SPATA18: variants seen among roughly 807,000 people sequenced by gnomAD.
SPATA18 encodes mitochondria-eating protein.
In SPATA18, 54 loss-of-function variants were observed where a neutral mutation model predicts 68.1. The observed-to-expected ratio is 0.79, with a 90% confidence interval of 0.64 to 0.99. SPATA18 has a LOEUF of 0.99. Among genes scored for constraint, SPATA18 ranks in the 50% least tolerant of loss-of-function variants. The pLI, the probability that SPATA18 is intolerant of heterozygous loss-of-function variation, is 0.00. For synonymous variants in SPATA18, 242 were observed against 244.8 expected (o/e 0.99, Z 0.11); for missense variants, 724 against 681.1 (o/e 1.06, Z -0.70).
At position 52,073,148 on chromosome 4, in the gene SPATA18, A is replaced by G. The variant is rs754104444; in HGVS notation, c.758+992A>G. ...ATTCTGTCAGTGTTGTGTTTGTGCC[A>G]ACTTGTATTGGCTTCCAATAACCTA... On this transcript the variant is annotated intron_variant, in intron 6 of 12. Coordinates refer to ENST00000295213, the MANE Select transcript of SPATA18 (RefSeq NM_145263.4). Among the ~76,000 whole-genome samples the G allele has an allele frequency of 3.3e-5, 5 of 152,074 alleles. No individual in the cohort carries two copies. The East Asian group carries it at 9.6e-4, about 29-fold the overall frequency.
intron 7 of SPATA18, chr4:52,078,511 T>C (rs1740610523): frequency 2.6e-6 from 1 of 386,798 alleles, no homozygotes; most frequent in Non-Finnish European, 4.6e-6. Context: ...TCTAGAATAA[T>C]AGTCAACTGT....
intron 1 of SPATA18, among the ~76,000 whole-genome samples, chr4:52,058,464 AAGGCTCTCC>A (rs1738542848): frequency 6.6e-6 from 1 of 152,150 alleles, no homozygotes; most frequent in South Asian, 2.1e-4. Context: ...CCAGGTGCGA[AAGGCTCTCC>A]AGGTCAACTT....
At chr4:52,052,543 A>T (rs1402791075) in intron 1 of SPATA18, among the ~76,000 whole-genome samples, 2 of 152,076 alleles carry the variant, frequency 1.3e-5, no homozygotes, top group Non-Finnish European at 1.5e-5. Context: ...GGTCCGTCTT[A>T]AATAGGGATT....
intron 11 of SPATA18, among the ~76,000 whole-genome samples, chr4:52,090,684 G>A (rs560243666): frequency 1.1e-4 from 16 of 152,228 alleles, no homozygotes; most frequent in South Asian, 2.1e-4. Context: ...TCCCTTTGTG[G>A]TTAACCCAAC....
intron 5 of SPATA18, among the ~76,000 whole-genome samples, chr4:52,070,240 G>C (rs1739686978): frequency 6.6e-6 from 1 of 151,850 alleles, no homozygotes; most frequent in Non-Finnish European, 1.5e-5. Flanking sequence ...ATACAATTTT[G>C]GATCCTAACT....
At chr4:52,067,938 T>TA (rs919152887) in intron 4 of SPATA18, among the ~76,000 whole-genome samples, 23 of 152,354 alleles carry the variant, frequency 1.5e-4, no homozygotes, top group African/African-American at 5.3e-4. Context: ...AATGATCAGA[T>TA]ATGCAACAAA....
At position 52,071,989 on chromosome 4, in the gene SPATA18, G is replaced by T; in HGVS notation, c.591G>T (p.Arg197=). 1 of 1,613,970 alleles carries T rather than the reference G, an allele frequency of 6.2e-7. No homozygotes were observed. Among genetic ancestry groups the T allele is most frequent in the East Asian group, 2.2e-5 (1 of 44,856 alleles). ...NTDQRSSENR[R]SEPWSLEERK... The stretch of plus-strand genomic sequence containing the variant: ...ATCAGAGGAGCTCAGAGAATAGGCG[G>T]TCAGAGCCTTGGAGCTTGGAGGAGC... Residue 197 remains arginine, a synonymous_variant, in exon 6 of 13, where the codon CGG becomes CGT. Transcript: ENST00000295213.
At chr4:52,087,898 A>T (rs1741576986) in intron 11 of SPATA18, among the ~76,000 whole-genome samples, 1 of 152,220 alleles carries the variant, frequency 6.6e-6, no homozygotes, top group Admixed American at 6.5e-5. Context: ...CTTCCTATCC[A>T]TGAACATGGA....
intron 1 of SPATA18, among the ~76,000 whole-genome samples, chr4:52,059,692 G>A (rs550354525): frequency 3.7e-4 from 57 of 152,332 alleles, no homozygotes; most frequent in Non-Finnish European, 4.9e-4. Context: ...TTCCGCTGCA[G>A]AGTAACTGGC....
intron 11 of SPATA18, among the ~76,000 whole-genome samples, chr4:52,090,938 G>T (rs903836925): frequency 4.6e-5 from 7 of 152,046 alleles, no homozygotes; most frequent in African/African-American, 1.4e-4. Flanking sequence ...GTCAAATGTA[G>T]ATTTGGTCTT....
At chr4:52,058,901 GATA>G (rs1164813631) in intron 1 of SPATA18, among the ~76,000 whole-genome samples, 1 of 152,208 alleles carries the variant, frequency 6.6e-6, no homozygotes, top group Non-Finnish European at 1.5e-5. Context: ...AAATGGGAAT[GATA>G]ATAATAATTC....
At chr4:52,087,137 G>A (rs886578828) in intron 11 of SPATA18, among the ~76,000 whole-genome samples, 1 of 152,010 alleles carries the variant, frequency 6.6e-6, no homozygotes, top group Non-Finnish European at 1.5e-5. Context: ...TTGTAAATTT[G>A]TTTAAGTTCT....
chr4:52,084,119 A>T (rs1741208536), intron 10 of SPATA18, among the ~76,000 whole-genome samples: 1 of 152,012 alleles, frequency 6.6e-6, no homozygotes, highest in African/African-American at 2.4e-5. Flanking sequence ...ACAGCTACAC[A>T]TGTTCTACAA....
intron 6 of SPATA18, among the ~76,000 whole-genome samples, chr4:52,072,637 C>T (rs2109462037): frequency 1.3e-5 from 2 of 152,266 alleles, no homozygotes; most frequent in South Asian, 4.1e-4. Flanking sequence ...AACTCTTGAC[C>T]TCAGGTGATC....
At chr4:52,087,600 G>C (rs1287115854) in intron 11 of SPATA18, among the ~76,000 whole-genome samples, 3 of 152,040 alleles carry the variant, frequency 2.0e-5, no homozygotes, top group African/African-American at 7.3e-5. Context: ...TTTTATTTCT[G>C]AGGCCTCTGT....
intron 10 of SPATA18, chr4:52,083,578 C>G (rs1741138537): frequency 3.0e-6 from 2 of 676,454 alleles, no homozygotes; most frequent in South Asian, 1.3e-4. Context: ...GACCTCATCT[C>G]TACAAAAAAT....
At chr4:52,060,575 T>A in intron 2 of SPATA18, 51 bp downstream of exon 2, 2 of 1,551,088 alleles carry the variant, frequency 1.3e-6, no homozygotes, top group South Asian at 2.3e-5. Context: ...TTTCTCTCTT[T>A]TCTTGGTGCT....
rs1199970205 is a variant in SPATA18, at chr4:52,095,091, A to T, written c.*204A>T. The T allele has an allele frequency of 1.7e-6, 1 of 585,412 alleles. No homozygotes were observed. The highest frequency in any genetic ancestry group is 3.1e-5 in the Admixed American group (1 of 32,060). 36.3% of individuals were successfully genotyped at this position (585,412 alleles called of 1,614,324 possible). On this transcript the variant is annotated 3_prime_UTR_variant, in exon 13 of 13. Transcript: ENST00000295213. Reference sequence around the variant, plus strand: ...TATTGCATTCTATTTTATTTTATAGATACTAATTCCATTAATTTCATAAAA... The same window carrying T: ...TATTGCATTCTATTTTATTTTATAGTTACTAATTCCATTAATTTCATAAAA...
intron 11 of SPATA18, among the ~76,000 whole-genome samples, chr4:52,086,493 C>T (rs888071351): frequency 2.0e-5 from 3 of 152,178 alleles, no homozygotes; most frequent in African/African-American, 4.8e-5. Context: ...TCAACTCCCA[C>T]TTATGAGTGA....
Sources: gnomAD v4.1 joint callset for allele counts (sites outside exome capture counted in the v4.1 genomes callset) on GRCh38, gnomAD v4.1.1 for gene constraint, MANE v1.5 for transcripts, NCBI Gene and HGNC (gene_info 2026-07-23, HGNC 2026-07-21) for gene names.